PCDH15: variants seen among roughly 807,000 people sequenced by gnomAD.
The protein encoded by PCDH15 is protocadherin related 15, also known as protocadherin-15.
A neutral mutation model predicts 178.5 loss-of-function variants in PCDH15; 129 were observed. The ratio of observed to expected loss-of-function variants is 0.72; its 90% CI spans 0.63 to 0.84. PCDH15 has a LOEUF of 0.84. PCDH15 is among the 40% of genes least tolerant of loss of function. The pLI, the probability that PCDH15 is intolerant of heterozygous loss-of-function variation, is 0.00. For missense variants in PCDH15, 2,230 were observed against 2,099.9 expected (o/e 1.06, Z -1.21); for synonymous variants, 800 against 732.0 (o/e 1.09, Z -1.50).
In PCDH15 at chr10:53,806,794, G is replaced by A. The variant is rs189102789; in HGVS notation, c.5008C>T (p.Leu1670=). 6.2e-7 allele frequency: 1 copy of A among 1,613,854 alleles called. No homozygotes were observed. The highest frequency in any genetic ancestry group is 1.1e-5 in the South Asian group (1 of 91,080). The change falls in exon 38 of 38, where the codon CTG becomes TTG. Residue 1670 remains leucine (L), a synonymous_variant. Transcript: ENST00000644397. ...STEKMNARPT[L]VTFAPCPVGT... is the part of the protein sequence containing the mutation. ...ACAGGGCAAGGGGCAAATGTAACCA[G>A]AGTTGGTCTTGCATTCATTTTTTCA...
intron 2 of PCDH15, among the ~76,000 whole-genome samples, chr10:55,559,695 T>C (rs1842156201): frequency 6.6e-6 from 1 of 151,752 alleles, no homozygotes; most frequent in Non-Finnish European, 1.5e-5. Context: ...TTGAATTTTC[T>C]TTTTTTTCAT....
chr10:54,770,122 A>G (rs1948929118), intron 1 of PCDH15, among the ~76,000 whole-genome samples: 1 of 152,164 alleles, frequency 6.6e-6, no homozygotes. Flanking sequence ...ATTACTGAAG[A>G]AAGTTCTATC....
intron 2 of PCDH15, among the ~76,000 whole-genome samples, chr10:54,914,378 A>G (rs1954868101): frequency 1.3e-5 from 2 of 152,090 alleles, no homozygotes; most frequent in South Asian, 2.1e-4. Context: ...ACCTTCTGCA[A>G]TGATTGTAAG....
chr10:55,338,688 G>T (rs1314155078), intron 2 of PCDH15, among the ~76,000 whole-genome samples: 2 of 151,946 alleles, frequency 1.3e-5, no homozygotes, highest in African/African-American at 4.8e-5. Flanking sequence ...GAATCGCTTG[G>T]ACCCAGGAGG....
At chr10:55,190,303 T>C (rs1839913823) in intron 1 of PCDH15, among the ~76,000 whole-genome samples, 1 of 151,014 alleles carries the variant, frequency 6.6e-6, no homozygotes. Context: ...CTTTAATATA[T>C]TGATCCCAGT....
chr10:54,599,337 T>G (rs1244859290), intron 2 of PCDH15, among the ~76,000 whole-genome samples: 1 of 150,690 alleles, frequency 6.6e-6, no homozygotes, highest in Admixed American at 6.6e-5. Context: ...AAACAGAGAG[T>G]CAAGAAATAA....
At chr10:54,942,351 A>G (rs1838084528) in intron 2 of PCDH15, among the ~76,000 whole-genome samples, 1 of 151,966 alleles carries the variant, frequency 6.6e-6, no homozygotes, top group African/African-American at 2.4e-5. Context: ...AGTAGATTTT[A>G]TTTTATTTGA....
chr10:55,203,719 G>T, intron 1 of PCDH15, among the ~76,000 whole-genome samples: 1 of 152,024 alleles, frequency 6.6e-6, no homozygotes, highest in Non-Finnish European at 1.5e-5. Context: ...AAGTAGATTG[G>T]ACATTTCCAA....
At chr10:54,942,324 T>C (rs1838083914) in intron 2 of PCDH15, among the ~76,000 whole-genome samples, 1 of 152,082 alleles carries the variant, frequency 6.6e-6, no homozygotes, top group East Asian at 1.9e-4. Context: ...AGGTTTGCAT[T>C]GCTTCTATCA....
intron 2 of PCDH15, among the ~76,000 whole-genome samples, chr10:55,461,645 A>C (rs953432602): frequency 2.0e-5 from 3 of 152,114 alleles, no homozygotes; most frequent in African/African-American, 7.2e-5. Flanking sequence ...CCCAGATATA[A>C]GGTCAAGTTT....
chr10:55,479,972 TG>T (rs1428873964), intron 2 of PCDH15, among the ~76,000 whole-genome samples: 1 of 151,696 alleles, frequency 6.6e-6, no homozygotes, highest in Non-Finnish European at 1.5e-5. Flanking sequence ...AGGATTGCCT[TG>T]GTTATTCAGG....
At chr10:55,416,425 A>T (rs925973963) in intron 2 of PCDH15, among the ~76,000 whole-genome samples, 1 of 151,794 alleles carries the variant, frequency 6.6e-6, no homozygotes, top group African/African-American at 2.4e-5. Context: ...TTTATTCAGG[A>T]TGACTATGTA....
At chr10:53,928,738 C>T (rs1373964852) in intron 25 of PCDH15, among the ~76,000 whole-genome samples, 3 of 151,888 alleles carry the variant, frequency 2.0e-5, no homozygotes, top group Non-Finnish European at 4.4e-5. Context: ...TGTTGTATCA[C>T]TTTGGGGCCT....
chr10:55,051,067 A>C (rs1031190488), intron 2 of PCDH15, among the ~76,000 whole-genome samples: 6 of 152,126 alleles, frequency 3.9e-5, no homozygotes, highest in African/African-American at 1.4e-4. Context: ...TGGTGATCAT[A>C]CATCTTACTT....
At chr10:54,730,431 T>C (rs1398965493) in intron 1 of PCDH15, among the ~76,000 whole-genome samples, 1 of 151,476 alleles carries the variant, frequency 6.6e-6, no homozygotes, top group Admixed American at 6.6e-5. Flanking sequence ...ATCAAAAAGC[T>C]ACCTATTGAG....
At chr10:54,353,770 C>A (rs1300047135) in intron 5 of PCDH15, among the ~76,000 whole-genome samples, 3 of 151,924 alleles carry the variant, frequency 2.0e-5, no homozygotes, top group African/African-American at 7.3e-5. Flanking sequence ...CATTAAAAAT[C>A]TTGATTCCAT....
At chr10:54,856,130 T>C (rs1174738561) in intron 3 of PCDH15, among the ~76,000 whole-genome samples, 1 of 152,216 alleles carries the variant, frequency 6.6e-6, no homozygotes, top group South Asian at 2.1e-4. Flanking sequence ...TATAATAGTT[T>C]GTCATTTATC....
intron 18 of PCDH15, among the ~76,000 whole-genome samples, chr10:54,031,819 C>T (rs1257593786): frequency 1.3e-5 from 2 of 151,976 alleles, no homozygotes; most frequent in African/African-American, 2.4e-5. Context: ...CACGCTCATA[C>T]AGCAAAGAAA....
intron 3 of PCDH15, among the ~76,000 whole-genome samples, chr10:54,426,484 T>C (rs1956277903): frequency 1.3e-5 from 2 of 152,044 alleles, no homozygotes; most frequent in Non-Finnish European, 2.9e-5. Flanking sequence ...TGCTCACTCA[T>C]CCACCTCTCC....
Sources: gnomAD v4.1 joint callset for allele counts (sites outside exome capture counted in the v4.1 genomes callset) on GRCh38, gnomAD v4.1.1 for gene constraint, MANE v1.5 for transcripts, NCBI Gene and HGNC (gene_info 2026-07-23, HGNC 2026-07-21) for gene names.